CSMD1: variants seen among roughly 807,000 people sequenced by gnomAD.
The protein encoded by CSMD1 is CUB and Sushi multiple domains 1, also known as CUB and sushi domain-containing protein 1.
CSMD1 carries 213 observed loss-of-function variants against 417.5 expected under a neutral mutation model. The ratio of observed to expected loss-of-function variants is 0.51; its 90% CI spans 0.46 to 0.57. CSMD1 has a LOEUF of 0.57. Ranked by LOEUF, CSMD1 falls within the 20% of genes least tolerant of loss-of-function variation. The probability of loss-of-function intolerance (pLI) is 0.00; values close to 1 mark genes in which losing one functional copy is unlikely to be tolerated. For synonymous variants in CSMD1, 2,862 were observed against 1,736.8 expected, an observed-to-expected ratio of 1.65 and a Z score of -16.11; for missense variants, 6,923 against 4,529.7, an observed-to-expected ratio of 1.53 and a Z score of -15.17.
intron 3 of CSMD1, among the ~76,000 whole-genome samples, chr8:4,145,079 G>A (rs531533282): frequency 6.6e-6 from 1 of 151,036 alleles, no homozygotes; most frequent in African/African-American, 2.5e-5. Flanking sequence ...AAAGATTTAA[G>A]GATGTTAAAA....
At chr8:4,993,230 C>T (rs570528752) in intron 1 of CSMD1, among the ~76,000 whole-genome samples, 6 of 152,122 alleles carry the variant, frequency 3.9e-5, no homozygotes, top group Non-Finnish European at 8.8e-5. Flanking sequence ...TGGACTCCAA[C>T]CTTTAAAAAT....
At chr8:3,435,976 T>A (rs564431747) in intron 12 of CSMD1, among the ~76,000 whole-genome samples, 1 of 152,152 alleles carries the variant, frequency 6.6e-6, no homozygotes, top group African/African-American at 2.4e-5. Context: ...CTTTGCAACT[T>A]TGTATTTGCA....
chr8:4,198,122 G>T (rs776668401), intron 3 of CSMD1, among the ~76,000 whole-genome samples: 3 of 152,214 alleles, frequency 2.0e-5, no homozygotes, highest in African/African-American at 7.2e-5. Flanking sequence ...TACGGGAGAA[G>T]GTTCTTTGAG....
chr8:3,138,294 G>A (rs1359462953), intron 41 of CSMD1, among the ~76,000 whole-genome samples: 1 of 152,154 alleles, frequency 6.6e-6, no homozygotes, highest in Non-Finnish European at 1.5e-5. Flanking sequence ...GTTCCAGGTT[G>A]GGATGGCAGG....
At chr8:3,771,206 G>A (rs1325721084) in intron 5 of CSMD1, among the ~76,000 whole-genome samples, 1 of 152,042 alleles carries the variant, frequency 6.6e-6, no homozygotes, top group East Asian at 1.9e-4. Flanking sequence ...ACTCTTTTTG[G>A]GGCCAGCTAC....
At chr8:3,920,861 G>A (rs1183862598) in intron 5 of CSMD1, among the ~76,000 whole-genome samples, 1 of 152,042 alleles carries the variant, frequency 6.6e-6, no homozygotes, top group Non-Finnish European at 1.5e-5. Flanking sequence ...ATGTGCTATT[G>A]AATTCATTTT....
chr8:3,364,920 A>G (rs1809453379), intron 20 of CSMD1, among the ~76,000 whole-genome samples: 1 of 152,252 alleles, frequency 6.6e-6, no homozygotes, highest in African/African-American at 2.4e-5. Context: ...TGAGGGCACC[A>G]GAATAAGAAA....
intron 3 of CSMD1, among the ~76,000 whole-genome samples, chr8:4,308,254 G>A (rs949143974): frequency 2.0e-5 from 3 of 151,502 alleles, no homozygotes; most frequent in African/African-American, 7.3e-5. Context: ...TTTTTTTTAT[G>A]TGTGTGTGTG....
chr8:4,704,076 G>A (rs747465826), intron 1 of CSMD1, among the ~76,000 whole-genome samples: 12 of 152,164 alleles, frequency 7.9e-5, no homozygotes, highest in African/African-American at 1.2e-4. Flanking sequence ...CTCCAGCTAC[G>A]CAGACTGGTT....
intron 26 of CSMD1, among the ~76,000 whole-genome samples, chr8:3,275,072 G>C (rs1384499018): frequency 1.3e-5 from 2 of 152,056 alleles, no homozygotes; most frequent in African/African-American, 2.4e-5. Flanking sequence ...GGTACCTTTT[G>C]TTCCTTTCCA....
Position 3,497,748 on chromosome 8 carries a change from G to C in CSMD1, c.1345-4022C>G, listed in dbSNP as rs574307490. On this transcript the variant is annotated intron_variant, in intron 10 of 69. Coordinates refer to ENST00000635120, the MANE Select transcript of CSMD1 (RefSeq NM_033225.6). ...TAGATATTGCTTTTTAAATTATATT[G>C]TCACTTGGTTATTTCTGTTCTGGTT... Among the ~76,000 whole-genome samples, 34 of 152,226 alleles carry C rather than the reference G, an allele frequency of 2.2e-4. 1 individual carries two copies. The South Asian group carries it at 6.4e-3, about 29-fold the overall frequency.
At chr8:4,723,548 T>A (rs540376287) in intron 1 of CSMD1, among the ~76,000 whole-genome samples, 1 of 152,200 alleles carries the variant, frequency 6.6e-6, no homozygotes, top group African/African-American at 2.4e-5. Context: ...AGGAAGAAAT[T>A]TATTTTGCTG....
chr8:4,324,344 T>C (rs1408436879), intron 3 of CSMD1, among the ~76,000 whole-genome samples: 1 of 152,188 alleles, frequency 6.6e-6, no homozygotes, highest in African/African-American at 2.4e-5. Flanking sequence ...CGGAAGGTCC[T>C]GTAGTAGCAG....
intron 5 of CSMD1, among the ~76,000 whole-genome samples, chr8:3,847,396 C>T (rs912311524): frequency 6.6e-6 from 1 of 152,166 alleles, no homozygotes. Context: ...CCGGAAGGCA[C>T]TGCCCAGTGT....
At chr8:4,862,628 A>C (rs1802203998) in intron 1 of CSMD1, among the ~76,000 whole-genome samples, 1 of 152,076 alleles carries the variant, frequency 6.6e-6, no homozygotes, top group African/African-American at 2.4e-5. Flanking sequence ...TTAGAGAAAA[A>C]CAGAAACCAA....
intron 10 of CSMD1, among the ~76,000 whole-genome samples, chr8:3,540,533 G>A (rs1798393561): frequency 6.6e-6 from 1 of 152,066 alleles, no homozygotes; most frequent in Non-Finnish European, 1.5e-5. Flanking sequence ...CTGACAAATG[G>A]GATCTAATTA....
At position 3,110,230 on chromosome 8, in the gene CSMD1, G is replaced by C. The variant is rs1292564207; in HGVS notation, c.6536C>G (p.Pro2179Arg). ...LKDCIWLITVPPGHGVYINFT... is the reference protein window; with the variant it reads ...LKDCIWLITVRPGHGVYINFT... The stretch of plus-strand genomic sequence containing the variant: ...GTTGATGTAAACTCCGTGCCCTGGA[G>C]GCACCGTGATGAGCCAAATGCAGTC... The change falls in exon 43 of 70, where the codon CCT becomes CGT. Residue 2179 changes from proline (P) to arginine (R), a missense_variant. By Grantham distance (103) the Pro-to-Arg change is moderately radical (BLOSUM62 -2). Transcript: ENST00000635120. 6.2e-7 allele frequency: 1 copy of C among 1,613,142 alleles called. No homozygotes were observed. Among genetic ancestry groups the C allele is most frequent in the Non-Finnish European group, 8.5e-7 (1 of 1,179,612 alleles).
At chr8:4,183,567 A>G (rs766720115) in intron 3 of CSMD1, among the ~76,000 whole-genome samples, 18 of 152,332 alleles carry the variant, frequency 1.2e-4, no homozygotes, top group Middle Eastern at 3.4e-3. Context: ...ACATTCCTTT[A>G]AAATTTGAAC....
At chr8:3,174,958 T>G (rs181144017) in intron 37 of CSMD1, among the ~76,000 whole-genome samples, 1 of 152,200 alleles carries the variant, frequency 6.6e-6, no homozygotes, top group Non-Finnish European at 1.5e-5. Flanking sequence ...ACATATTTTT[T>G]CACTATATAG....
Sources: allele counts gnomAD v4.1 joint callset (sites outside exome capture counted in the v4.1 genomes callset), GRCh38; gene constraint gnomAD v4.1.1; transcripts MANE v1.5; gene names NCBI Gene and HGNC (gene_info 2026-07-23, HGNC 2026-07-21).